CSNK2A2IP: variants seen among roughly 807,000 people sequenced by gnomAD.
CSNK2A2IP encodes the protein casein kinase 2 subunit alpha' interacting protein.
At chr3:88,445,290 A>AAAAAAAAAAC in the CSNK2A2IP span, among the ~76,000 whole-genome samples, 1 of 146,688 alleles carries the variant, frequency 6.8e-6, no homozygotes, top group Non-Finnish European at 1.5e-5. Context: ...AAAAAAAAAA[A>AAAAAAAAAAC]AAAAAAAAAA....
At chr3:88,463,371 G>T in the CSNK2A2IP span, among the ~76,000 whole-genome samples, 2 of 151,756 alleles carry the variant, frequency 1.3e-5, no homozygotes, top group African/African-American at 2.4e-5. Context: ...AAGTAGCATA[G>T]GTCGCTTTGT....
the CSNK2A2IP span, among the ~76,000 whole-genome samples, chr3:88,358,092 A>G: frequency 9.9e-5 from 15 of 152,066 alleles, no homozygotes; most frequent in Non-Finnish European, 1.5e-5. Context: ...TACTTTAATT[A>G]TAGCTATTGT....
chr3:88,372,444 A>T, the CSNK2A2IP span, among the ~76,000 whole-genome samples: 1 of 151,560 alleles, frequency 6.6e-6, no homozygotes, highest in African/African-American at 2.4e-5. Context: ...TAATTTAAAG[A>T]TTAGTGTTAA....
chr3:88,467,136 T>G, the CSNK2A2IP span: 2 of 415,424 alleles, frequency 4.8e-6, no homozygotes, highest in South Asian at 1.2e-4. Flanking sequence ...CCCAGGCTAT[T>G]GACTGGCTGT....
the CSNK2A2IP span, among the ~76,000 whole-genome samples, chr3:88,461,460 G>A: frequency 6.6e-6 from 1 of 152,128 alleles, no homozygotes; most frequent in Non-Finnish European, 1.5e-5. Flanking sequence ...GGCTGAAGCA[G>A]GAGAATGGCG....
chr3:88,348,107 G>A, the CSNK2A2IP span, among the ~76,000 whole-genome samples: 2 of 152,064 alleles, frequency 1.3e-5, no homozygotes, highest in Admixed American at 1.3e-4. Context: ...TTTATTTCAT[G>A]CTTTGATACA....
At chr3:88,394,685 T>C in the CSNK2A2IP span, among the ~76,000 whole-genome samples, 2 of 152,224 alleles carry the variant, frequency 1.3e-5, no homozygotes, top group African/African-American at 4.8e-5. Context: ...TAATTTGCAT[T>C]TCTAAGATGG....
chr3:88,392,075 GAGA>G, the CSNK2A2IP span, among the ~76,000 whole-genome samples: 1 of 152,188 alleles, frequency 6.6e-6, no homozygotes, highest in African/African-American at 2.4e-5. Context: ...AGTTGGATGT[GAGA>G]AGGAGTGAAA....
chr3:88,458,207 G>T, the CSNK2A2IP span, among the ~76,000 whole-genome samples: 10 of 124,800 alleles, frequency 8.0e-5, no homozygotes, highest in African/African-American at 3.1e-4. Flanking sequence ...CTTGAGTGCA[G>T]TGGCTTGATC....
the CSNK2A2IP span, among the ~76,000 whole-genome samples, chr3:88,457,270 A>T: frequency 1.3e-5 from 2 of 152,154 alleles, no homozygotes; most frequent in Non-Finnish European, 2.9e-5. Flanking sequence ...GTGTTTTCCT[A>T]TGAAAAGACT....
chr3:88,339,620 C>T, the CSNK2A2IP span, among the ~76,000 whole-genome samples: 1 of 151,996 alleles, frequency 6.6e-6, no homozygotes, highest in Non-Finnish European at 1.5e-5. Flanking sequence ...CATTCTGTAC[C>T]TACAAGATTG....
chr3:88,360,259 G>T, the CSNK2A2IP span, among the ~76,000 whole-genome samples: 1 of 150,674 alleles, frequency 6.6e-6, no homozygotes, highest in African/African-American at 2.4e-5. Flanking sequence ...TCAGCCTCCC[G>T]AGTAGCTGGG....
At chr3:88,414,283 T>G in the CSNK2A2IP span, among the ~76,000 whole-genome samples, 1 of 123,566 alleles carries the variant, frequency 8.1e-6, no homozygotes, top group Middle Eastern at 3.9e-3. Context: ...TTTTTTTTTT[T>G]TTTTTTTTTT....
the CSNK2A2IP span, among the ~76,000 whole-genome samples, chr3:88,425,025 A>C: frequency 2.0e-5 from 3 of 152,070 alleles, no homozygotes; most frequent in Non-Finnish European, 4.4e-5. Flanking sequence ...CAAACTTATG[A>C]AAATTTGTAT....
the CSNK2A2IP span, among the ~76,000 whole-genome samples, chr3:88,447,423 A>T: frequency 6.6e-6 from 1 of 152,150 alleles, no homozygotes. Flanking sequence ...TAAAACTCTT[A>T]AAAATATAAA....
At chr3:88,358,406 G>C in the CSNK2A2IP span, among the ~76,000 whole-genome samples, 4 of 152,192 alleles carry the variant, frequency 2.6e-5, no homozygotes, top group East Asian at 3.9e-4. Flanking sequence ...TCCTTGCCTT[G>C]TTCCGGATCT....
At chr3:88,360,892 T>C in the CSNK2A2IP span, among the ~76,000 whole-genome samples, 1 of 152,116 alleles carries the variant, frequency 6.6e-6, no homozygotes, top group Non-Finnish European at 1.5e-5. Context: ...ATAACACTTA[T>C]AACCAATTAT....
chr3:88,416,259 G>A, the CSNK2A2IP span, among the ~76,000 whole-genome samples: 1 of 147,228 alleles, frequency 6.8e-6, no homozygotes, highest in Non-Finnish European at 1.5e-5. Flanking sequence ...GTGACAGAGT[G>A]AGACTCCCTA....
chr3:88,423,877 G>A, the CSNK2A2IP span, among the ~76,000 whole-genome samples: 1 of 152,134 alleles, frequency 6.6e-6, no homozygotes, highest in Non-Finnish European at 1.5e-5. Flanking sequence ...AAAAGGGATT[G>A]CATACAATGT....
Sources: allele counts gnomAD v4.1 joint callset (sites outside exome capture counted in the v4.1 genomes callset), GRCh38; gene constraint gnomAD v4.1.1; transcripts MANE v1.5; gene names NCBI Gene and HGNC (gene_info 2026-07-23, HGNC 2026-07-21).